Variants in CNTN5 observed in about 807,000 individuals in gnomAD.
CNTN5 encodes contactin-5.
A neutral mutation model predicts 129.1 loss-of-function variants in CNTN5; 77 were observed. That is an observed-to-expected ratio of 0.60 (90% CI 0.50 to 0.72). The LOEUF (loss-of-function observed/expected upper bound fraction) is 0.72. CNTN5 is among the 30% of genes least tolerant of loss of function. CNTN5 has a pLI of 0.00. For synonymous variants in CNTN5, 509 were observed against 465.6 expected, an observed-to-expected ratio of 1.09 and a Z score of -1.20; for missense variants, 1,478 against 1,328.8, an observed-to-expected ratio of 1.11 and a Z score of -1.75.
intron 1 of CNTN5, among the ~76,000 whole-genome samples, chr11:99,213,629 T>C (rs1478425678): frequency 6.6e-6 from 1 of 151,900 alleles, no homozygotes; most frequent in Non-Finnish European, 1.5e-5. Context: ...TTTCATTATT[T>C]AGTCAGGAAA....
intron 3 of CNTN5, among the ~76,000 whole-genome samples, chr11:99,629,406 T>C (rs932978070): frequency 2.0e-5 from 3 of 152,028 alleles, no homozygotes; most frequent in African/African-American, 4.8e-5. Flanking sequence ...TTGAGGTCTT[T>C]ACTCTTCTGG....
chr11:99,886,816 A>G (rs1458192977), intron 6 of CNTN5, among the ~76,000 whole-genome samples: 1 of 152,228 alleles, frequency 6.6e-6, no homozygotes, highest in Admixed American at 6.5e-5. Flanking sequence ...GAGTGCAAGC[A>G]AGTTGCAACC....
At position 100,271,229 on chromosome 11, in the gene CNTN5, A is replaced by G. The variant is rs372521752; in HGVS notation, c.2302A>G (p.Thr768Ala). 1.5e-5 allele frequency: 24 copies of G among 1,600,776 alleles called. No individual in the cohort carries two copies. Among genetic ancestry groups the G allele is most frequent in the Non-Finnish European group, 2.0e-5 (23 of 1,175,862 alleles). ...AAGCACCCCATCTCGAATGATCCGC[A>G]CAAATGAAGCAGGTAAAAATTTGGA... ...DPSTPSRMIR[T>A]NEAVPKTAPT... The change falls in exon 18 of 25, where the codon ACA becomes GCA. Residue 768 changes from threonine (T) to alanine (A), a missense_variant. Thr to Ala is a moderately conservative substitution (Grantham distance 58). Coordinates refer to ENST00000524871, the MANE Select transcript of CNTN5 (RefSeq NM_014361.4).
intron 3 of CNTN5, among the ~76,000 whole-genome samples, chr11:99,657,788 G>A (rs1952433653): frequency 6.6e-6 from 1 of 151,950 alleles, no homozygotes; most frequent in Non-Finnish European, 1.5e-5. Flanking sequence ...ACATTGAGCA[G>A]GAGAACATAA....
chr11:99,560,459 T>A (rs1003313988), intron 3 of CNTN5, among the ~76,000 whole-genome samples: 1 of 151,878 alleles, frequency 6.6e-6, no homozygotes, highest in African/African-American at 2.4e-5. Flanking sequence ...GACCAGCTAA[T>A]TTTTCTATTT....
At position 99,991,406 on chromosome 11, in the gene CNTN5, G is replaced by A. The variant is rs371972598; in HGVS notation, c.878-10628G>A. ...GGCCTGAACCCGGGAGGCAGAGCTTGCAGTGAGCCGAGATTGCACCACTGC... is the reference window on the plus strand; with the variant it reads ...GGCCTGAACCCGGGAGGCAGAGCTTACAGTGAGCCGAGATTGCACCACTGC... On this transcript the variant is annotated intron_variant, in intron 8 of 24. Coordinates refer to ENST00000524871, the MANE Select transcript of CNTN5 (RefSeq NM_014361.4). Among the ~76,000 whole-genome samples the A allele has an allele frequency of 1.7e-4, 26 of 152,284 alleles. No homozygotes were observed. In the South Asian group the frequency reaches 4.8e-3, roughly 28 times the overall value.
intron 3 of CNTN5, among the ~76,000 whole-genome samples, chr11:99,728,192 C>G (rs1943416721): frequency 6.6e-6 from 1 of 150,768 alleles, no homozygotes; most frequent in African/African-American, 2.5e-5. Flanking sequence ...ATAGAGGAGT[C>G]TGATCATACA....
At chr11:99,065,440 T>C (rs1329631895) in intron 1 of CNTN5, among the ~76,000 whole-genome samples, 1 of 152,148 alleles carries the variant, frequency 6.6e-6, no homozygotes, top group Non-Finnish European at 1.5e-5. Context: ...TAGAAACAAA[T>C]AGCCTCCAAA....
At chr11:99,983,062 AT>A (rs1313329269) in intron 8 of CNTN5, among the ~76,000 whole-genome samples, 1 of 152,212 alleles carries the variant, frequency 6.6e-6, no homozygotes, top group Non-Finnish European at 1.5e-5. Context: ...AATAAACTTC[AT>A]TTCTTCACTG....
intron 2 of CNTN5, among the ~76,000 whole-genome samples, chr11:99,408,994 C>G (rs1008033205): frequency 4.6e-5 from 7 of 152,160 alleles, no homozygotes; most frequent in Admixed American, 1.3e-4. Flanking sequence ...TGATTTTCAA[C>G]AGTCAGCCTG....
chr11:99,999,202 C>G (rs1212712495), intron 8 of CNTN5, among the ~76,000 whole-genome samples: 1 of 152,046 alleles, frequency 6.6e-6, no homozygotes, highest in African/African-American at 2.4e-5. Flanking sequence ...AAGAAACTAC[C>G]ATCAGAGTGA....
At chr11:99,638,492 C>A (rs1478749590) in intron 3 of CNTN5, among the ~76,000 whole-genome samples, 3 of 152,150 alleles carry the variant, frequency 2.0e-5, no homozygotes, top group African/African-American at 7.2e-5. Flanking sequence ...AGTCCAAAGT[C>A]CAAAGTCTCA....
chr11:99,735,716 T>C (rs1943682875), intron 3 of CNTN5, among the ~76,000 whole-genome samples: 2 of 152,234 alleles, frequency 1.3e-5, no homozygotes, highest in Admixed American at 1.3e-4. Context: ...TACAACTTGA[T>C]GTATTGATAT....
At chr11:99,684,460 GCATTCATT>G (rs895016565) in intron 3 of CNTN5, among the ~76,000 whole-genome samples, 4 of 151,714 alleles carry the variant, frequency 2.6e-5, no homozygotes, top group Non-Finnish European at 4.4e-5. Flanking sequence ...TACTTTGTGT[GCATTCATT>G]CATTCATTCA....
rs561006321 is a variant in CNTN5, at chr11:99,858,050, A to T, written c.577+12788A>T. On this transcript the variant is annotated intron_variant, in intron 6 of 24. Coordinates refer to ENST00000524871, the MANE Select transcript of CNTN5 (RefSeq NM_014361.4). ...ATTCATGTCAAAATATCCAGCAAAA[A>T]AAAAGTTACCTCTTTCAGTCAGGTT... 2.0e-4 allele frequency among the ~76,000 whole-genome samples: 31 copies of T among 152,248 alleles called. No homozygotes were observed. In the South Asian group the frequency reaches 4.6e-3, roughly 22 times the overall value.
At chr11:99,231,905 A>C (rs1432077278) in intron 1 of CNTN5, among the ~76,000 whole-genome samples, 2 of 152,082 alleles carry the variant, frequency 1.3e-5, no homozygotes, top group African/African-American at 4.8e-5. Context: ...TTAAATAGGG[A>C]ATCATTTCCT....
intron 2 of CNTN5, among the ~76,000 whole-genome samples, chr11:99,396,205 A>G (rs966537422): frequency 6.6e-6 from 1 of 151,032 alleles, no homozygotes; most frequent in Non-Finnish European, 1.5e-5. Flanking sequence ...TGTTTGTGTC[A>G]ATGAGATAAT....
At chr11:99,302,024 G>T (rs1864666006) in intron 1 of CNTN5, among the ~76,000 whole-genome samples, 2 of 151,574 alleles carry the variant, frequency 1.3e-5, no homozygotes, top group Admixed American at 1.3e-4. Flanking sequence ...AAAATACTTT[G>T]AAATGAGGGA....
At chr11:99,050,536 A>G (rs1864385238) in intron 1 of CNTN5, among the ~76,000 whole-genome samples, 1 of 151,828 alleles carries the variant, frequency 6.6e-6, no homozygotes, top group Admixed American at 6.6e-5. Context: ...TAAGGAAATA[A>G]AGATTTCTTT....
Sources: allele counts gnomAD v4.1 joint callset (sites outside exome capture counted in the v4.1 genomes callset), GRCh38; gene constraint gnomAD v4.1.1; transcripts MANE v1.5; gene names NCBI Gene and HGNC (gene_info 2026-07-23, HGNC 2026-07-21).